Variants in MED13 observed in about 807,000 individuals in gnomAD.
MED13 encodes mediator complex subunit 13.
MED13 carries 23 observed loss-of-function variants against 225.2 expected under a neutral mutation model. The ratio of observed to expected loss-of-function variants is 0.10; its 90% CI spans 0.07 to 0.14. The LOEUF (loss-of-function observed/expected upper bound fraction) is 0.14. Ranked by LOEUF, MED13 falls within the 10% of genes least tolerant of loss-of-function variation. The probability of loss-of-function intolerance (pLI) is 1.00; values close to 1 mark genes in which losing one functional copy is unlikely to be tolerated. For missense variants in MED13, 2,197 were observed against 2,594.5 expected, an observed-to-expected ratio of 0.85 and a Z score of 3.33; for synonymous variants, 942 against 889.2, an observed-to-expected ratio of 1.06 and a Z score of -1.06.
At chr17:61,990,627 G>GTATGTGTATATATATATATATA (rs1555635070) in intron 11 of MED13, among the ~76,000 whole-genome samples, 4 of 139,010 alleles carry the variant, frequency 2.9e-5, no homozygotes, top group African/African-American at 1.1e-4. Flanking sequence ...GGCGCACTGT[G>GTATGTGTATATATATATATATA]TATATATATA....
intron 8 of MED13, among the ~76,000 whole-genome samples, chr17:62,018,911 GA>G (rs1403409023): frequency 2.0e-5 from 3 of 152,158 alleles, no homozygotes; most frequent in African/African-American, 7.2e-5. Context: ...CCAGTGAACT[GA>G]TATTTTTCAA....
chr17:62,022,203 A>G (rs1050535026), intron 8 of MED13, among the ~76,000 whole-genome samples: 5 of 150,148 alleles, frequency 3.3e-5, no homozygotes, highest in African/African-American at 1.2e-4. Flanking sequence ...ATATTCTTAA[A>G]AACAAATTAT....
chr17:61,988,209 T>A (rs550745987), intron 11 of MED13, among the ~76,000 whole-genome samples: 1 of 152,230 alleles, frequency 6.6e-6, no homozygotes, highest in South Asian at 2.1e-4. Context: ...TAAAATGTAA[T>A]AGAATGTTGG....
At chr17:61,997,316 A>C (rs1197505291) in intron 9 of MED13, among the ~76,000 whole-genome samples, 2 of 152,196 alleles carry the variant, frequency 1.3e-5, no homozygotes, top group Non-Finnish European at 2.9e-5. Flanking sequence ...TAAAATCCCA[A>C]GCATACAAAA....
intron 21 of MED13, among the ~76,000 whole-genome samples, 173 bp from the exon 22 acceptor site, chr17:61,961,952 A>G (rs533489780): frequency 1.3e-5 from 2 of 152,304 alleles, no homozygotes; most frequent in African/African-American, 2.4e-5. Flanking sequence ...TAAGTAGCCA[A>G]TTTTACCAAT....
rs536515256 is a variant in MED13 at position 61,979,951 on chromosome 17, G to A, written c.3805+2247C>T. ...CACCTGTAATCCCAGCACTTTGGGA[G>A]GCCGAGGCAGGTGGATTGCCTGAGC... On this transcript the variant is annotated intron_variant, in intron 16 of 29. Coordinates refer to ENST00000397786, the MANE Select transcript of MED13 (RefSeq NM_005121.3). Among the ~76,000 whole-genome samples, 20 of 152,308 alleles carry A rather than the reference G, an allele frequency of 1.3e-4. No homozygotes were observed. The East Asian group carries it at 3.9e-3, about 29-fold the overall frequency.
At chr17:61,958,631 G>A (rs376489025) in intron 23 of MED13, among the ~76,000 whole-genome samples, 3 of 151,656 alleles carry the variant, frequency 2.0e-5, no homozygotes, top group South Asian at 2.1e-4. Context: ...GCCACCATGC[G>A]AGGCCTAATT....
At position 61,961,013 on chromosome 17, in the gene MED13, T is replaced by C. The variant is rs768888661; in HGVS notation, c.5334A>G (p.Glu1778=). 3 of 1,613,876 alleles carry C rather than the reference T, an allele frequency of 1.9e-6. No homozygotes were observed. In the East Asian group the frequency reaches 6.7e-5, roughly 36 times the overall value. The part of the protein sequence containing the change: ...PVKDKQTELG[E]TFGEAGQKYN... ...ATTTCTGTCCAGCTTCTCCAAATGT[T>C]TCTCCTAGCTCTGTCTGTTTGTCCT... Residue 1778 remains glutamate, a synonymous_variant, in exon 23 of 30, where the codon GAA becomes GAG. Coordinates refer to ENST00000397786, the MANE Select transcript of MED13 (RefSeq NM_005121.3).
At chr17:62,016,027 C>T (rs1412176286) in intron 8 of MED13, among the ~76,000 whole-genome samples, 2 of 118,020 alleles carry the variant, frequency 1.7e-5, no homozygotes, top group Non-Finnish European at 3.4e-5. Flanking sequence ...TGGTCTCAAA[C>T]TCCTGATCTC....
chr17:62,035,150 A>G (rs2080791447), intron 4 of MED13, among the ~76,000 whole-genome samples: 2 of 152,028 alleles, frequency 1.3e-5, no homozygotes, highest in Admixed American at 6.6e-5. Context: ...AAACAAACAA[A>G]ATATGGCTTA....
In MED13 at chr17:61,961,778, A is replaced by C; in HGVS notation, c.5066T>G (p.Ile1689Ser). 1 of 1,611,996 alleles carries C rather than the reference A, an allele frequency of 6.2e-7. No individual in the cohort carries two copies. Among genetic ancestry groups the C allele is most frequent in the Non-Finnish European group, 8.5e-7 (1 of 1,178,288 alleles). ...PHIKSTVSVQ[I>S]IPCQYLLQPV... ...TTGCAACAGGTACTGACAAGGAATAATCTAAGAAGTATAGGCAAATATTAC... is the reference window on the plus strand; with the variant it reads ...TTGCAACAGGTACTGACAAGGAATACTCTAAGAAGTATAGGCAAATATTAC... Residue 1689 changes from isoleucine to serine, a missense_variant and splice_region_variant, in exon 22 of 30, where the codon ATT becomes AGT. Around this residue, in one of 12 missense-constraint regions of MED13, gnomAD observed 457 missense variants for 442.2 expected, o/e 1.03. Transcript: ENST00000397786.
chr17:61,983,029 G>T lies in MED13; in HGVS notation c.2974C>A (p.Pro992Thr). ...TSFGMPPSSA[P>T]PSNSGAGILP... ...ATTCCTGCTCCGCTGTTACTAGGAG[G>T]TGCACTGCTAGGAGGCATCCCAAAA... The change falls in exon 16 of 30, where the codon CCT becomes ACT. Residue 992 changes from proline to threonine, a missense_variant. By Grantham distance (38) the Pro-to-Thr change is conservative. This residue lies in a region of MED13 where 160 missense variants were observed against 184.8 expected (regional missense o/e 0.87). Transcript: ENST00000397786. 6.2e-7 allele frequency: 1 copy of T among 1,613,890 alleles called. No homozygotes were observed. Among genetic ancestry groups the T allele is most frequent in the African/African-American group, 1.3e-5 (1 of 75,008 alleles).
intron 16 of MED13, among the ~76,000 whole-genome samples, chr17:61,975,885 A>G (rs151297561): frequency 0.013 from 2,001 of 152,228 alleles, 42 homozygotes; most frequent in African/African-American, 0.046. Flanking sequence ...GTATGGTGGC[A>G]GGAGCCTGTA....
At chr17:62,003,302 C>A (rs1742108001) in intron 9 of MED13, among the ~76,000 whole-genome samples, 1 of 152,030 alleles carries the variant, frequency 6.6e-6, no homozygotes, top group African/African-American at 2.4e-5. Context: ...AAAAACAAGG[C>A]TTATATCTAA....
chr17:62,052,908 T>G (rs900502219), intron 2 of MED13, among the ~76,000 whole-genome samples: 8 of 152,222 alleles, frequency 5.3e-5, no homozygotes, highest in African/African-American at 1.9e-4. Flanking sequence ...GTGCCACATA[T>G]TCTATTAAAT....
chr17:61,945,263 A>C lies in MED13; in HGVS notation c.*1205T>G, dbSNP rs1044632377. 6.6e-6 allele frequency: 1 copy of C among 152,074 alleles called. No individual in the cohort carries two copies. The highest frequency in any genetic ancestry group is 1.5e-5 in the Non-Finnish European group (1 of 67,996). 9.4% of individuals were successfully genotyped at this position (152,074 alleles called of 1,614,324 possible). On this transcript the variant is annotated 3_prime_UTR_variant, in exon 30 of 30. Transcript: ENST00000397786. The stretch of plus-strand genomic sequence containing the variant: ...CATACATATGCATACTCTCACATAC[A>C]TTCCCAATCTTTAATTTAAAAAAAA...
At chr17:61,999,355 T>G (rs900235963) in intron 9 of MED13, among the ~76,000 whole-genome samples, 1 of 152,188 alleles carries the variant, frequency 6.6e-6, no homozygotes, top group African/African-American at 2.4e-5. Context: ...AATCACAGAC[T>G]AAACAATCAC....
intron 16 of MED13, among the ~76,000 whole-genome samples, chr17:61,978,474 A>T (rs1242111648): frequency 6.6e-6 from 1 of 151,824 alleles, no homozygotes; most frequent in African/African-American, 2.4e-5. Flanking sequence ...CTGGTCTCAA[A>T]CTCCTGGGTG....
intron 17 of MED13, among the ~76,000 whole-genome samples, chr17:61,969,394 G>A (rs935090553): frequency 2.0e-5 from 3 of 151,990 alleles, no homozygotes; most frequent in Non-Finnish European, 4.4e-5. Flanking sequence ...ATACACTGTA[G>A]GCCAGGTGCT....
Sources: gnomAD v4.1 joint callset for allele counts (sites outside exome capture counted in the v4.1 genomes callset) on GRCh38, gnomAD v4.1.1 for gene constraint, gnomAD v4.1.1 regional missense constraint, MANE v1.5 for transcripts, NCBI Gene and HGNC (gene_info 2026-07-23, HGNC 2026-07-21) for gene names.